NTNG2: variants seen among roughly 807,000 people sequenced by gnomAD.
NTNG2 encodes the protein netrin G2.
In NTNG2, 15 loss-of-function variants were observed where a neutral mutation model predicts 47.6. That is an observed-to-expected ratio of 0.32 (90% confidence interval 0.21 to 0.49). The LOEUF (loss-of-function observed/expected upper bound fraction) is 0.49, where lower values mean the gene tolerates loss of function less well. Ranked by LOEUF, NTNG2 falls within the 20% of genes least tolerant of loss-of-function variation. The probability of loss-of-function intolerance (pLI) is 0.99; values close to 1 mark genes in which losing one functional copy is unlikely to be tolerated. For missense variants in NTNG2, 578 were observed against 764.6 expected (o/e 0.76, Z 2.88); for synonymous variants, 307 against 324.6 (o/e 0.95, Z 0.58).
chr9:132,187,569 A>G (rs961473143), intron 2 of NTNG2, among the ~76,000 whole-genome samples: 12 of 139,058 alleles, frequency 8.6e-5, no homozygotes, highest in South Asian at 2.5e-4. Flanking sequence ...GAGAGGGAGC[A>G]AGAGAGAGAG....
rs573203465 is a variant in NTNG2 at position 132,207,457 on chromosome 9, C to A, written c.857+8848C>A. 3.9e-5 allele frequency among the ~76,000 whole-genome samples: 6 copies of A among 152,326 alleles called. No homozygotes were observed. The South Asian group carries it at 1.0e-3, about 26-fold the overall frequency. On this transcript the variant is annotated intron_variant, in intron 3 of 7. Transcript: ENST00000393229. The stretch of plus-strand genomic sequence containing the variant: ...CTGCCTTGTCTTGCGGCTGTCCGCT[C>A]CCTGAGCATCTGTCTTACACGCTGT...
intron 2 of NTNG2, among the ~76,000 whole-genome samples, chr9:132,169,203 C>G (rs1835710007): frequency 6.6e-6 from 1 of 152,394 alleles, no homozygotes; most frequent in South Asian, 2.1e-4. Flanking sequence ...ATGGGCAAGT[C>G]CTCGGCGTCT....
chr9:132,165,957 C>T (rs1000401315), intron 1 of NTNG2: 1 of 152,146 alleles, frequency 6.6e-6, no homozygotes, highest in South Asian at 2.1e-4. Flanking sequence ...TCTCTATTCT[C>T]CCCCTCTTTA....
At chr9:132,181,856 C>G (rs1836966869) in intron 2 of NTNG2, among the ~76,000 whole-genome samples, 1 of 152,268 alleles carries the variant, frequency 6.6e-6, no homozygotes, top group Admixed American at 6.5e-5. Context: ...GCACCTCCAG[C>G]CTGGGCCGCC....
At chr9:132,193,137 A>G (rs1370596168) in intron 2 of NTNG2, among the ~76,000 whole-genome samples, 1 of 152,258 alleles carries the variant, frequency 6.6e-6, no homozygotes, top group Admixed American at 6.5e-5. Context: ...TAAGGCAGGA[A>G]GATGAAGAGA....
rs1835154623 is a variant in NTNG2, at chr9:132,162,631, T to G, written c.-484+392T>G. On this transcript the variant is annotated intron_variant, in intron 1 of 7. Coordinates refer to ENST00000393229, the MANE Select transcript of NTNG2 (RefSeq NM_032536.4). The surrounding 1 kb of genome is among the most constrained non-coding windows in gnomAD (Gnocchi z 4.6). ...GTGTGTGTGTGTCGGGGAGGGATGT[T>G]GCAAGGATGCTCGGATGTGTCTCGG... Among the ~76,000 whole-genome samples, 1 of 134,760 alleles carries G rather than the reference T, an allele frequency of 7.4e-6. No homozygotes were observed. Among genetic ancestry groups the G allele is most frequent in the African/African-American group, 2.8e-5 (1 of 35,596 alleles). The allele number at this position is 134,760 out of a possible 152,430, so 88.4% of individuals were successfully genotyped here.
intron 5 of NTNG2, among the ~76,000 whole-genome samples, chr9:132,234,833 A>G (rs1841504035): frequency 6.6e-6 from 1 of 152,172 alleles, no homozygotes; most frequent in Admixed American, 6.5e-5. Context: ...TTCATGTCCA[A>G]AGCTCCCCGC....
chr9:132,194,662 C>G (rs959530410), intron 2 of NTNG2, among the ~76,000 whole-genome samples: 2 of 152,264 alleles, frequency 1.3e-5, no homozygotes, highest in Admixed American at 1.3e-4. Context: ...GTCCCCCCAT[C>G]TGCTTAAGGA....
intron 6 of NTNG2, 76 bp from the exon 7 acceptor site, chr9:132,240,834 G>A (rs1377203648): frequency 3.1e-6 from 5 of 1,603,584 alleles, no homozygotes; most frequent in Non-Finnish European, 2.6e-6. Context: ...TCCCTGCGAG[G>A]CCGGGAGAGT....
chr9:132,168,326 CAG>C (rs1447897546), intron 2 of NTNG2, among the ~76,000 whole-genome samples: 1 of 152,230 alleles, frequency 6.6e-6, no homozygotes, highest in Admixed American at 6.5e-5. Flanking sequence ...ATCCCCCAGG[CAG>C]CTGGTACCTC....
intron 1 of NTNG2, among the ~76,000 whole-genome samples, chr9:132,165,287 T>C (rs1338083132): frequency 6.6e-6 from 1 of 152,178 alleles, no homozygotes; most frequent in Non-Finnish European, 1.5e-5. Flanking sequence ...GTAACTGGTA[T>C]CTATTTTGAT....
intron 2 of NTNG2, among the ~76,000 whole-genome samples, chr9:132,191,434 T>C (rs767206567): frequency 6.6e-6 from 1 of 151,842 alleles, no homozygotes; most frequent in Admixed American, 6.6e-5. Flanking sequence ...AATAAGAAAA[T>C]AGAGACTCAG....
At chr9:132,177,837 T>C (rs1289532338) in intron 2 of NTNG2, among the ~76,000 whole-genome samples, 1 of 152,080 alleles carries the variant, frequency 6.6e-6, no homozygotes, top group Non-Finnish European at 1.5e-5. Context: ...TTTGTATTTT[T>C]AGTAGAGATG....
intron 2 of NTNG2, among the ~76,000 whole-genome samples, chr9:132,169,181 A>C (rs1405692383): frequency 6.6e-6 from 1 of 152,264 alleles, no homozygotes; most frequent in Non-Finnish European, 1.5e-5. Flanking sequence ...CAGTCCCTCC[A>C]CAATCTCCCA....
At position 132,162,163 on chromosome 9, in the gene NTNG2, G is replaced by C. The variant is rs982514186; in HGVS notation, c.-560G>C. 3.7e-4 allele frequency: 56 copies of C among 152,488 alleles called. No individual in the cohort carries two copies. Among genetic ancestry groups the C allele is most frequent in the South Asian group, 1.4e-3 (8 of 5,652 alleles). The allele number at this position is 152,488 out of a possible 1,614,324, so 9.4% of individuals were successfully genotyped here. A position where few individuals can be genotyped will look rare whatever the true frequency, so the allele number is the denominator to read the frequency against. On this transcript the variant is annotated 5_prime_UTR_variant, in exon 1 of 8. Coordinates refer to ENST00000393229, the MANE Select transcript of NTNG2 (RefSeq NM_032536.4). The surrounding 1 kb of genome is among the most constrained non-coding windows in gnomAD (Gnocchi z 4.6). ...CGCCCCCACCCAGCGCCAGCCCGAG[G>C]GGGGAGGCGCAGCGCCGGAGGGTGG...
chr9:132,224,590 G>A (rs1276090780), intron 3 of NTNG2, among the ~76,000 whole-genome samples: 5 of 152,140 alleles, frequency 3.3e-5, no homozygotes, highest in African/African-American at 1.2e-4. Flanking sequence ...CAGAGCCCCT[G>A]CCACATAACA....
At chr9:132,186,544 C>A (rs1279665820) in intron 2 of NTNG2, among the ~76,000 whole-genome samples, 2 of 152,172 alleles carry the variant, frequency 1.3e-5, no homozygotes, top group Admixed American at 6.5e-5. Context: ...CAGTGGGTGC[C>A]CACACCAGGC....
At chr9:132,204,289 G>T (rs1413573098) in intron 3 of NTNG2, among the ~76,000 whole-genome samples, 2 of 152,066 alleles carry the variant, frequency 1.3e-5, no homozygotes, top group Non-Finnish European at 2.9e-5. Context: ...TATGTCCCTG[G>T]GCCTCCCCCA....
In NTNG2 at chr9:132,198,405, G is replaced by A. The variant is rs1838482880; in HGVS notation, c.653G>A (p.Arg218His). 2.5e-6 allele frequency: 4 copies of A among 1,612,926 alleles called. No homozygotes were observed. The highest frequency in any genetic ancestry group is 3.4e-6 in the Non-Finnish European group (4 of 1,179,974). The stretch of plus-strand genomic sequence containing the variant: ...CACGTGCGCTTCGAGGTGCGGGACC[G>A]CTTCGCCATCTTTGCCGGCCCCGAC... ...EKHVRFEVRD[R>H]FAIFAGPDLR... is the part of the protein sequence containing the mutation. The change falls in exon 3 of 8, where the codon CGC (arginine) becomes CAC (histidine). Residue 218 changes from arginine to histidine, a missense_variant. Arg to His is a conservative substitution (Grantham distance 29). Transcript: ENST00000393229.
Sources: allele counts gnomAD v4.1 joint callset (sites outside exome capture counted in the v4.1 genomes callset), GRCh38; gene constraint gnomAD v4.1.1; non-coding constraint Gnocchi (gnomAD v3.1); transcripts MANE v1.5; gene names NCBI Gene and HGNC (gene_info 2026-07-23, HGNC 2026-07-21).